CAP2: variants seen among roughly 807,000 people sequenced by gnomAD.
CAP2 encodes the protein cyclase associated actin cytoskeleton regulatory protein 2.
CAP2 carries 24 observed loss-of-function variants against 57.7 expected under a neutral mutation model. The observed-to-expected ratio is 0.42, with a 90% CI of 0.30 to 0.58. CAP2 has a LOEUF of 0.58. Ranked by LOEUF, CAP2 falls within the 20% of genes least tolerant of loss-of-function variation. The pLI is 0.22. For missense variants in CAP2, 501 were observed against 590.3 expected (o/e 0.85, Z 1.57); for synonymous variants, 194 against 207.2 (o/e 0.94, Z 0.55).
intron 7 of CAP2, among the ~76,000 whole-genome samples, chr6:17,518,918 G>A (rs1177122757): frequency 1.3e-5 from 2 of 152,176 alleles, no homozygotes; most frequent in African/African-American, 2.4e-5. Flanking sequence ...GATTACAGGC[G>A]TGAGCCACCA....
At chr6:17,435,024 G>T (rs1759834887) in intron 3 of CAP2, among the ~76,000 whole-genome samples, 1 of 137,090 alleles carries the variant, frequency 7.3e-6, no homozygotes, top group Non-Finnish European at 1.6e-5. Context: ...TAAAAAGTCA[G>T]GAAACAACAG....
At chr6:17,514,583 C>G (rs935054432) in intron 7 of CAP2, among the ~76,000 whole-genome samples, 47 of 152,012 alleles carry the variant, frequency 3.1e-4, no homozygotes, top group African/African-American at 1.1e-3. Flanking sequence ...AACCCCATCT[C>G]TACTAAAAAT....
In CAP2 at chr6:17,553,493, C is replaced by G. The variant is rs532303781; in HGVS notation, c.1350+1889C>G. 1.8e-3 allele frequency among the ~76,000 whole-genome samples: 281 copies of G among 152,090 alleles called. 1 individual carries two copies. Among genetic ancestry groups the G allele is most frequent in the African/African-American group, 6.4e-3 (264 of 41,498 alleles). ...CTAAAAATACAAAAAATTAGCTGGG[C>G]GTGGTGGCACACGCCTGTAGTCCCA... On this transcript the variant is annotated intron_variant, in intron 12 of 12. Transcript: ENST00000229922.
chr6:17,530,832 A>G, intron 7 of CAP2: 1 of 572,152 alleles, frequency 1.7e-6, no homozygotes, highest in South Asian at 3.1e-5. Context: ...TTTTTTTTTC[A>G]GTTTGAGAGC....
intron 1 of CAP2, among the ~76,000 whole-genome samples, chr6:17,408,198 T>A (rs1037096911): frequency 6.6e-5 from 10 of 152,192 alleles, no homozygotes; most frequent in African/African-American, 2.4e-4. Context: ...AAGAAACATC[T>A]GTTTCTGGTA....
At chr6:17,533,356 A>C (rs1191537383) in intron 7 of CAP2, among the ~76,000 whole-genome samples, 1 of 152,080 alleles carries the variant, frequency 6.6e-6, no homozygotes, top group Non-Finnish European at 1.5e-5. Context: ...GACAGCTGAA[A>C]TTAACTTAGA....
At chr6:17,468,130 A>AT (rs962311043) in intron 4 of CAP2, among the ~76,000 whole-genome samples, 23 of 148,758 alleles carry the variant, frequency 1.5e-4, no homozygotes, top group South Asian at 4.3e-4. Context: ...TCCATGTTGA[A>AT]TTTTTTTTTT....
intron 4 of CAP2, among the ~76,000 whole-genome samples, chr6:17,486,437 C>T (rs139658740): frequency 0.015 from 2,246 of 149,568 alleles, 58 homozygotes; most frequent in African/African-American, 0.051. Flanking sequence ...AACCCTGTCT[C>T]TACTAAAAAT....
chr6:17,554,962 G>A (rs1763261239), intron 12 of CAP2, among the ~76,000 whole-genome samples: 1 of 152,162 alleles, frequency 6.6e-6, no homozygotes, highest in Admixed American at 6.5e-5. Context: ...TTTCCAATGG[G>A]AGAAGTAGAG....
At chr6:17,443,574 G>GAGACAC (rs71536731) in intron 3 of CAP2, among the ~76,000 whole-genome samples, 1 of 150,030 alleles carries the variant, frequency 6.7e-6, no homozygotes, top group Admixed American at 6.6e-5. Flanking sequence ...AAAACACACA[G>GAGACAC]ACACACACAC....
chr6:17,535,207 G>A (rs772416960), intron 7 of CAP2, among the ~76,000 whole-genome samples: 7 of 152,004 alleles, frequency 4.6e-5, no homozygotes, highest in Non-Finnish European at 1.0e-4. Context: ...TATTCTAGCC[G>A]GAGGCCCACA....
chr6:17,458,952 A>G (rs1760652779), intron 3 of CAP2, among the ~76,000 whole-genome samples: 1 of 152,014 alleles, frequency 6.6e-6, no homozygotes, highest in Non-Finnish European at 1.5e-5. Context: ...CAAAAAACCC[A>G]TAACCTAAAG....
intron 4 of CAP2, among the ~76,000 whole-genome samples, chr6:17,469,480 G>A (rs918238189): frequency 6.6e-6 from 1 of 152,062 alleles, no homozygotes; most frequent in African/African-American, 2.4e-5. Context: ...CCTGCACATA[G>A]AGAAAAAATT....
At chr6:17,435,730 A>AAAAAAAAAAAAAAAAATTT (rs1759862477) in intron 3 of CAP2, among the ~76,000 whole-genome samples, 1 of 136,044 alleles carries the variant, frequency 7.4e-6, no homozygotes, top group Non-Finnish European at 1.5e-5. Context: ...AAAAAAAAAA[A>AAAAAAAAAAAAAAAAATTT]AACAAAAAAA....
At chr6:17,438,237 G>A (rs1355243854) in intron 3 of CAP2, among the ~76,000 whole-genome samples, 1 of 147,762 alleles carries the variant, frequency 6.8e-6, no homozygotes, top group Non-Finnish European at 1.5e-5. Context: ...GTGGAGGTGG[G>A]TGCCTGTAAT....
chr6:17,493,535 G>A (rs1394680866), intron 4 of CAP2: 2 of 216,046 alleles, frequency 9.3e-6, no homozygotes, highest in Non-Finnish European at 2.0e-5. Context: ...TCAACCCCAG[G>A]AGAGAAACAA....
chr6:17,545,480 CAGAT>C (rs1763020308), intron 11 of CAP2, among the ~76,000 whole-genome samples: 1 of 152,076 alleles, frequency 6.6e-6, no homozygotes, highest in African/African-American at 2.4e-5. Context: ...AATTTTCAAA[CAGAT>C]AGGCAGATAT....
rs370958890 is a variant in CAP2, at chr6:17,434,625, G to A, written c.222+7935G>A. ...TGTGTAGTAACGTGTACTAATGTAC[G>A]TGTTCATCCCATTTCCCTCCATACC... On this transcript the variant is annotated intron_variant, in intron 3 of 12. Coordinates refer to ENST00000229922, the MANE Select transcript of CAP2 (RefSeq NM_006366.3). Among the ~76,000 whole-genome samples the A allele has an allele frequency of 5.3e-5, 8 of 152,300 alleles. No homozygotes were observed. In the South Asian group the frequency reaches 1.0e-3, roughly 20 times the overall value.
intron 1 of CAP2, among the ~76,000 whole-genome samples, chr6:17,400,906 A>T (rs1758794116): frequency 1.3e-5 from 2 of 152,090 alleles, no homozygotes. Context: ...TATGAAAATG[A>T]ATTATTTTAT....
Sources: allele counts gnomAD v4.1 joint callset (sites outside exome capture counted in the v4.1 genomes callset), GRCh38; gene constraint gnomAD v4.1.1; transcripts MANE v1.5; gene names NCBI Gene and HGNC (gene_info 2026-07-23, HGNC 2026-07-21).